Variants in ABLIM2 observed in about 807,000 individuals in gnomAD.
ABLIM2 encodes actin-binding LIM protein 2.
ABLIM2 carries 53 observed loss-of-function variants against 97.7 expected under a neutral mutation model. The observed-to-expected ratio is 0.54, with a 90% CI of 0.44 to 0.68. The LOEUF is 0.68. Ranked by LOEUF, ABLIM2 falls within the 30% of genes least tolerant of loss-of-function variation. ABLIM2 has a pLI of 0.00. For missense variants in ABLIM2, 835 were observed against 867.2 expected, an observed-to-expected ratio of 0.96 and a Z score of 0.47; for synonymous variants, 361 against 345.8, an observed-to-expected ratio of 1.04 and a Z score of -0.49.
At position 8,091,353 on chromosome 4, in the gene ABLIM2, TTA is replaced by T. The variant is rs545114766; in HGVS notation, c.339-3071_339-3070del. ...TATTATATATATAATATATATATAA[TTA>T]TATATATATTATATTACATATAATT... On this transcript the variant is annotated intron_variant, in intron 3 of 20. Coordinates refer to ENST00000447017, the MANE Select transcript of ABLIM2 (RefSeq NM_001130083.2). Among the ~76,000 whole-genome samples, 18 of 44,138 alleles carry T rather than the reference TTA, an allele frequency of 4.1e-4. 1 individual carries two copies. The East Asian group carries it at 5.4e-3, about 13-fold the overall frequency. The allele number at this position is 44,138 out of a possible 152,430, so 29.0% of individuals were successfully genotyped here.
chr4:8,124,543 G>A lies in ABLIM2; in HGVS notation c.11-17906C>T, dbSNP rs999925526. Among the ~76,000 whole-genome samples, 1 of 152,126 alleles carries A rather than the reference G, an allele frequency of 6.6e-6. No homozygotes were observed. The highest frequency in any genetic ancestry group is 1.5e-5 in the Non-Finnish European group (1 of 68,032). ...TCGCGACTGGCTTCTTTCACTCGGC[G>A]TCATGTTTTCAGGGAGTGTCCGTGG... On this transcript the variant is annotated intron_variant, in intron 1 of 20. Coordinates refer to ENST00000447017, the MANE Select transcript of ABLIM2 (RefSeq NM_001130083.2). The surrounding 1 kb of genome is among the most constrained non-coding windows in gnomAD (Gnocchi z 6.1).
Position 8,047,163 on chromosome 4 carries a change from T to C in ABLIM2, c.823-1922A>G, listed in dbSNP as rs542229511. ...AGCAGGAGGACAACCCTGTGCGGCA[T>C]GTGGGTGGCGCCTGGGCAACCCTGA... On this transcript the variant is annotated intron_variant, in intron 8 of 20. Transcript: ENST00000447017. 5.9e-5 allele frequency among the ~76,000 whole-genome samples: 9 copies of C among 152,294 alleles called. No homozygotes were observed. The East Asian group carries it at 9.6e-4, about 16-fold the overall frequency.
rs1395302528 is a variant in ABLIM2 at position 8,122,452 on chromosome 4, G to A, written c.11-15815C>T. Among the ~76,000 whole-genome samples the A allele has an allele frequency of 2.6e-5, 4 of 152,272 alleles. No homozygotes were observed. The highest frequency in any genetic ancestry group is 4.8e-5 in the African/African-American group (2 of 41,552). ...CTGATATTAGGGCAGCAGCATGCTC[G>A]GTCCCTGGTGAGGGCTCCCTTCCTG... On this transcript the variant is annotated intron_variant, in intron 1 of 20. Transcript: ENST00000447017. This position sits in a 1 kb window ranked among gnomAD's most constrained non-coding sequence, Gnocchi z 4.1.
chr4:8,029,434 C>A (rs1005428880), intron 11 of ABLIM2, among the ~76,000 whole-genome samples: 3 of 152,228 alleles, frequency 2.0e-5, no homozygotes, highest in Non-Finnish European at 4.4e-5. Flanking sequence ...GCAGCCTCTG[C>A]AGCTCACCTC....
At chr4:8,048,812 G>T (rs903613349) in intron 8 of ABLIM2, among the ~76,000 whole-genome samples, 2 of 152,114 alleles carry the variant, frequency 1.3e-5, no homozygotes, top group African/African-American at 2.4e-5. Context: ...GCCAGTCCAG[G>T]CTCCCTCCAC....
chr4:8,146,773 G>T (rs1170162058), intron 1 of ABLIM2, among the ~76,000 whole-genome samples: 4 of 152,176 alleles, frequency 2.6e-5, no homozygotes, highest in African/African-American at 9.7e-5. Context: ...GAAGTGATCT[G>T]TCCACCTTGG....
chr4:8,133,576 C>T (rs1849740118), intron 1 of ABLIM2, among the ~76,000 whole-genome samples: 1 of 152,198 alleles, frequency 6.6e-6, no homozygotes, highest in Non-Finnish European at 1.5e-5. Context: ...AGGTTGAGAG[C>T]AAACCCCTGG....
intron 1 of ABLIM2, among the ~76,000 whole-genome samples, chr4:8,110,760 G>T (rs149671577): frequency 0.026 from 3,892 of 152,294 alleles, 78 homozygotes; most frequent in Non-Finnish European, 0.039. Context: ...AGGCGTCCGG[G>T]GGCTGCAGGG....
chr4:7,967,135 A>G lies in ABLIM2; in HGVS notation c.1825-32T>C, dbSNP rs749449852. The G allele has an allele frequency of 1.2e-5, 19 of 1,575,586 alleles. No homozygotes were observed. In the East Asian group the frequency reaches 3.1e-4, roughly 26 times the overall value. ...ACAAAAAGGCAAAACAGAAGGGACC[A>G]GTTAGCCACGCAGCAAGGGACACCA... On this transcript the variant is annotated intron_variant, in intron 20 of 20. Coordinates refer to ENST00000447017, the MANE Select transcript of ABLIM2 (RefSeq NM_001130083.2).
intron 2 of ABLIM2, among the ~76,000 whole-genome samples, chr4:8,105,353 C>T (rs1313354198): frequency 6.6e-6 from 1 of 152,254 alleles, no homozygotes; most frequent in Non-Finnish European, 1.5e-5. Flanking sequence ...AACATTATCT[C>T]CCTCAGCAGA....
intron 3 of ABLIM2, among the ~76,000 whole-genome samples, chr4:8,088,601 G>A (rs545100186): frequency 3.9e-5 from 6 of 152,352 alleles, no homozygotes; most frequent in Admixed American, 3.3e-4. Flanking sequence ...CAGGCTGCCT[G>A]GGCCACCGGC....
intron 12 of ABLIM2, chr4:8,020,546 T>G (rs1007235818): frequency 1.6e-6 from 1 of 612,678 alleles, no homozygotes; most frequent in Non-Finnish European, 3.0e-6. Flanking sequence ...GGAGCGACAT[T>G]GCTGAGGGCA....
At chr4:7,980,015 ACTGGGTG>A (rs1736720526) in intron 20 of ABLIM2, among the ~76,000 whole-genome samples, 1 of 152,208 alleles carries the variant, frequency 6.6e-6, no homozygotes, top group African/African-American at 2.4e-5. Flanking sequence ...AAGGAAGGAA[ACTGGGTG>A]CTGGAGACAT....
At chr4:7,967,708 C>G (rs1434143137) in intron 20 of ABLIM2, among the ~76,000 whole-genome samples, 1 of 152,206 alleles carries the variant, frequency 6.6e-6, no homozygotes, top group Admixed American at 6.5e-5. Flanking sequence ...AGGCACACAG[C>G]TTGGTGGTCA....
intron 17 of ABLIM2, among the ~76,000 whole-genome samples, chr4:7,990,906 TTAA>T (rs1293934274): frequency 1.2e-4 from 19 of 152,282 alleles, no homozygotes; most frequent in African/African-American, 4.3e-4. Flanking sequence ...AGCAAAGTCA[TTAA>T]TAATATTCAC....
intron 1 of ABLIM2, among the ~76,000 whole-genome samples, chr4:8,107,265 T>C (rs1000862390): frequency 4.6e-5 from 7 of 152,228 alleles, no homozygotes; most frequent in Non-Finnish European, 7.3e-5. Context: ...TCACAGGGCC[T>C]GACTGTGGGG....
At chr4:8,081,880 A>G (rs1050670157) in intron 4 of ABLIM2, among the ~76,000 whole-genome samples, 2 of 152,160 alleles carry the variant, frequency 1.3e-5, no homozygotes, top group Non-Finnish European at 2.9e-5. Flanking sequence ...CATGGATCAC[A>G]CACGTCCTCA....
Position 8,067,292 on chromosome 4 carries a change from C to T in ABLIM2, c.676-6238G>A, listed in dbSNP as rs1043007414. 6.6e-6 allele frequency: 1 copy of T among 152,486 alleles called. No individual in the cohort carries two copies. Among genetic ancestry groups the T allele is most frequent in the Non-Finnish European group, 1.5e-5 (1 of 68,242 alleles). 9.4% of individuals were successfully genotyped at this position (152,486 alleles called of 1,614,324 possible). A position where few individuals can be genotyped will look rare whatever the true frequency, so the allele number is the denominator to read the frequency against. ...CCGGCTCCCTGTCAACAGCCCTCCT[C>T]CCACACCCAACGCACAGACACAGGA... On this transcript the variant is annotated intron_variant, in intron 6 of 20. Transcript: ENST00000447017. This position sits in a 1 kb window ranked among gnomAD's most constrained non-coding sequence, Gnocchi z 5.4.
rs1481634821 is a variant in ABLIM2, at chr4:8,032,894, C to T, written c.1048-3118G>A. 1.3e-5 allele frequency among the ~76,000 whole-genome samples: 2 copies of T among 152,134 alleles called. No homozygotes were observed. Among genetic ancestry groups the T allele is most frequent in the Admixed American group, 1.3e-4 (2 of 15,268 alleles). ...GGTTAATTCTTCCCAGAGAAAGAGGCCCCCGGGGAAACTGATTTCGTGCCA... is the reference window on the plus strand; with the variant it reads ...GGTTAATTCTTCCCAGAGAAAGAGGTCCCCGGGGAAACTGATTTCGTGCCA... On this transcript the variant is annotated intron_variant, in intron 10 of 20. Transcript: ENST00000447017. The surrounding 1 kb of genome is among the most constrained non-coding windows in gnomAD (Gnocchi z 4.3).
Sources: gnomAD v4.1 joint callset for allele counts (sites outside exome capture counted in the v4.1 genomes callset) on GRCh38, gnomAD v4.1.1 for gene constraint, Gnocchi (gnomAD v3.1) non-coding constraint, MANE v1.5 for transcripts, NCBI Gene and HGNC (gene_info 2026-07-23, HGNC 2026-07-21) for gene names.